SIK2: variants seen among roughly 807,000 people sequenced by gnomAD.
SIK2 encodes the protein serine/threonine-protein kinase SIK2.
In SIK2, 29 loss-of-function variants were observed where a neutral mutation model predicts 103.2. The observed-to-expected ratio is 0.28, with a 90% CI of 0.21 to 0.38. The LOEUF is 0.38. Ranked by LOEUF, SIK2 falls within the 10% of genes least tolerant of loss-of-function variation. The probability of loss-of-function intolerance (pLI) is 1.00; values close to 1 mark genes in which losing one functional copy is unlikely to be tolerated. For synonymous variants in SIK2, 412 were observed against 446.1 expected (o/e 0.92, Z 0.96); for missense variants, 879 against 1,171.0 (o/e 0.75, Z 3.64).
At chr11:111,694,986 T>C (rs892830595) in intron 4 of SIK2, among the ~76,000 whole-genome samples, 2 of 152,196 alleles carry the variant, frequency 1.3e-5, no homozygotes, top group Non-Finnish European at 2.9e-5. Flanking sequence ...GAGTGACTGA[T>C]GTTTGGAAAT....
Position 111,723,678 on chromosome 11 carries a change from T to C in SIK2, c.2330T>C (p.Val777Ala). The C allele has an allele frequency of 6.2e-7, 1 of 1,613,764 alleles. No individual in the cohort carries two copies. Among genetic ancestry groups the C allele is most frequent in the Non-Finnish European group, 8.5e-7 (1 of 1,179,968 alleles). Reference sequence around the variant, plus strand: ...AGCCTGACCCAGCCCCTGAGCCCCGTCCTGGAGCCTTCCTCCGAGCAGATG... The same window carrying C: ...AGCCTGACCCAGCCCCTGAGCCCCGCCCTGGAGCCTTCCTCCGAGCAGATG... ...PFSLTQPLSP[V>A]LEPSSEQMQY... The change falls in exon 15 of 15, where the codon GTC (valine) becomes GCC (alanine). Residue 777 changes from valine (V) to alanine (A), a missense_variant. Around this residue, in one of 7 missense-constraint regions of SIK2, gnomAD observed 375 missense variants for 416.3 expected, o/e 0.90. Transcript: ENST00000304987.
intron 8 of SIK2, among the ~76,000 whole-genome samples, chr11:111,709,871 G>C (rs1273267756): frequency 6.6e-6 from 1 of 152,220 alleles, no homozygotes; most frequent in Non-Finnish European, 1.5e-5. Context: ...ACACTGTCAA[G>C]GACTATGTGC....
At chr11:111,649,480 A>G (rs1352691838) in intron 3 of SIK2, among the ~76,000 whole-genome samples, 4 of 152,060 alleles carry the variant, frequency 2.6e-5, no homozygotes, top group Non-Finnish European at 5.9e-5. Flanking sequence ...ATACTTTTAT[A>G]CTTTTTTCCC....
At position 111,723,491 on chromosome 11, in the gene SIK2, T is replaced by C; in HGVS notation, c.2148-5T>C. On this transcript the variant is annotated splice_polypyrimidine_tract_variant and splice_region_variant and intron_variant, in intron 14 of 14. Coordinates refer to ENST00000304987, the MANE Select transcript of SIK2 (RefSeq NM_015191.3). ...AAATTCTTTCCTTTGATATTACCAA[T>C]TTAGGCTCCAGCAGAAGCGACTCTT... 6.3e-7 allele frequency: 1 copy of C among 1,589,834 alleles called. No individual in the cohort carries two copies. Among genetic ancestry groups the C allele is most frequent in the Non-Finnish European group, 8.6e-7 (1 of 1,166,766 alleles).
intron 7 of SIK2, among the ~76,000 whole-genome samples, 192 bp downstream of exon 7, chr11:111,703,615 C>T (rs1449323550): frequency 2.0e-5 from 3 of 152,172 alleles, no homozygotes; most frequent in Non-Finnish European, 2.9e-5. Flanking sequence ...TTCTTTGCCC[C>T]CATCTGCCAA....
chr11:111,674,234 T>C (rs951843861), intron 3 of SIK2, among the ~76,000 whole-genome samples: 4 of 152,208 alleles, frequency 2.6e-5, no homozygotes, highest in Non-Finnish European at 5.9e-5. Flanking sequence ...TTTCTTTTAT[T>C]GCTCCCTTGA....
intron 7 of SIK2, among the ~76,000 whole-genome samples, chr11:111,704,452 G>A (rs1943292546): frequency 6.6e-6 from 1 of 152,142 alleles, no homozygotes; most frequent in Non-Finnish European, 1.5e-5. Context: ...AAAACAAGAG[G>A]AAAAAATTAC....
chr11:111,659,996 G>T (rs556624503), intron 3 of SIK2, among the ~76,000 whole-genome samples: 3 of 152,258 alleles, frequency 2.0e-5, no homozygotes, highest in East Asian at 3.9e-4. Flanking sequence ...TCAGAAAACC[G>T]AATGGCCATT....
At position 111,720,269 on chromosome 11, in the gene SIK2, C is replaced by T. The variant is rs546941860; in HGVS notation, c.1496-209C>T. 6.6e-5 allele frequency among the ~76,000 whole-genome samples: 10 copies of T among 152,262 alleles called. No individual in the cohort carries two copies. The East Asian group carries it at 1.9e-3, about 29-fold the overall frequency. The stretch of plus-strand genomic sequence containing the variant: ...AGGGACTCTGGCTCTTTTGGACTGG[C>T]TGAGATCTTACAGATGCCACTTCTG... On this transcript the variant is annotated intron_variant, in intron 10 of 14. Coordinates refer to ENST00000304987, the MANE Select transcript of SIK2 (RefSeq NM_015191.3).
chr11:111,647,230 C>T (rs1942269071), intron 3 of SIK2, among the ~76,000 whole-genome samples: 1 of 152,078 alleles, frequency 6.6e-6, no homozygotes, highest in African/African-American at 2.4e-5. Flanking sequence ...ACAGCATTAC[C>T]ATGAATATCC....
chr11:111,607,354 G>T (rs913318700), intron 1 of SIK2, among the ~76,000 whole-genome samples: 2 of 152,108 alleles, frequency 1.3e-5, no homozygotes, highest in East Asian at 3.8e-4. Flanking sequence ...ATTTTTAAAA[G>T]GTTTTCAGAA....
chr11:111,671,448 G>A (rs1942626410), intron 3 of SIK2: 1 of 245,986 alleles, frequency 4.1e-6, no homozygotes, highest in Non-Finnish European at 8.0e-6. Flanking sequence ...CTTTGCTGAT[G>A]TTCTGGGTCA....
intron 3 of SIK2, among the ~76,000 whole-genome samples, chr11:111,665,458 G>A (rs1004013458): frequency 2.6e-5 from 4 of 151,876 alleles, no homozygotes; most frequent in African/African-American, 9.7e-5. Context: ...TGCAGTGACC[G>A]TGATTGCGTC....
At chr11:111,661,563 G>C (rs1942467459) in intron 3 of SIK2, among the ~76,000 whole-genome samples, 1 of 152,156 alleles carries the variant, frequency 6.6e-6, no homozygotes, top group Non-Finnish European at 1.5e-5. Context: ...CTTCTTCTGG[G>C]TATTTACACT....
At chr11:111,682,961 G>T (rs960890057) in intron 3 of SIK2, 2 of 151,706 alleles carry the variant, frequency 1.3e-5, no homozygotes, top group African/African-American at 4.8e-5. Context: ...AACTGGAGGG[G>T]GTGTTGACAT....
intron 6 of SIK2, among the ~76,000 whole-genome samples, chr11:111,702,446 G>A (rs939173976): frequency 3.9e-5 from 6 of 152,226 alleles, no homozygotes; most frequent in East Asian, 1.9e-4. Context: ...TCAATTAGCC[G>A]GGTGTGGTGG....
rs1480191675 is a variant in SIK2 at position 111,688,791 on chromosome 11, G to A, written c.478+629G>A. On this transcript the variant is annotated intron_variant, in intron 4 of 14. Transcript: ENST00000304987. This position sits in a 1 kb window ranked among gnomAD's most constrained non-coding sequence, Gnocchi z 4.2. Reference sequence around the variant, plus strand: ...ACTCAATAAATATGTATCAGGTACTGTGCTATGTTAAGTACAATATGATAT... The same window carrying A: ...ACTCAATAAATATGTATCAGGTACTATGCTATGTTAAGTACAATATGATAT... Among the ~76,000 whole-genome samples, 1 of 152,126 alleles carries A rather than the reference G, an allele frequency of 6.6e-6. No homozygotes were observed. Among genetic ancestry groups the A allele is most frequent in the Non-Finnish European group, 1.5e-5 (1 of 68,018 alleles).
At position 111,700,816 on chromosome 11, in the gene SIK2, A is replaced by G. The variant is rs1943195718; in HGVS notation, c.479-70A>G. 6 of 1,574,276 alleles carry G rather than the reference A, an allele frequency of 3.8e-6. No individual in the cohort carries two copies. In the South Asian group the frequency reaches 5.8e-5, roughly 15 times the overall value. On this transcript the variant is annotated intron_variant, in intron 4 of 14. Transcript: ENST00000304987. ...TATTGTTAATATAGCATATTAGAAA[A>G]TTTATTACAGAGAAATGCAGTATAG...
chr11:111,645,496 G>A (rs1334765426), intron 3 of SIK2, among the ~76,000 whole-genome samples: 1 of 152,186 alleles, frequency 6.6e-6, no homozygotes, highest in Non-Finnish European at 1.5e-5. Flanking sequence ...ATGTAGTTTA[G>A]GACTATGTGC....
Sources: gnomAD v4.1 joint callset for allele counts (sites outside exome capture counted in the v4.1 genomes callset) on GRCh38, gnomAD v4.1.1 for gene constraint, gnomAD v4.1.1 regional missense constraint, Gnocchi (gnomAD v3.1) non-coding constraint, MANE v1.5 for transcripts, NCBI Gene and HGNC (gene_info 2026-07-23, HGNC 2026-07-21) for gene names.